MYO16: variants seen among roughly 807,000 people sequenced by gnomAD.
MYO16 encodes the protein unconventional myosin-XVI.
MYO16 carries 94 observed loss-of-function variants against 205.3 expected under a neutral mutation model. The observed-to-expected ratio is 0.46, with a 90% confidence interval of 0.39 to 0.54. MYO16 has a LOEUF of 0.54. Ranked by LOEUF, MYO16 falls within the 20% of genes least tolerant of loss-of-function variation. MYO16 has a pLI of 0.00. For synonymous variants in MYO16, 988 were observed against 954.0 expected, an observed-to-expected ratio of 1.04 and a Z score of -0.66; for missense variants, 2,315 against 2,387.5, an observed-to-expected ratio of 0.97 and a Z score of 0.63.
intron 4 of MYO16, among the ~76,000 whole-genome samples, chr13:108,778,900 G>C (rs1193903997): frequency 6.6e-6 from 1 of 151,966 alleles, no homozygotes; most frequent in Non-Finnish European, 1.5e-5. Flanking sequence ...TAAAGGACTT[G>C]GCCTTGGCTT....
chr13:108,643,194 T>C (rs1880588834), intron 1 of MYO16, among the ~76,000 whole-genome samples: 1 of 152,194 alleles, frequency 6.6e-6, no homozygotes, highest in Non-Finnish European at 1.5e-5. Flanking sequence ...CAATCACAGA[T>C]CTGATTTCTG....
At chr13:108,780,209 G>T (rs552259902) in intron 4 of MYO16, among the ~76,000 whole-genome samples, 1 of 152,040 alleles carries the variant, frequency 6.6e-6, no homozygotes, top group East Asian at 1.9e-4. Context: ...AAATTTAGAA[G>T]AAAAATGAAG....
intron 2 of MYO16, among the ~76,000 whole-genome samples, chr13:108,687,632 AG>A (rs1882729353): frequency 6.6e-6 from 1 of 152,260 alleles, no homozygotes. Context: ...GAATCTAAAA[AG>A]AACTTGATGT....
intron 16 of MYO16, among the ~76,000 whole-genome samples, chr13:108,939,585 C>G (rs1317973048): frequency 6.6e-6 from 1 of 152,154 alleles, no homozygotes; most frequent in African/African-American, 2.4e-5. Flanking sequence ...CTGAATGCCT[C>G]TAATGTGTCA....
At chr13:109,184,783 G>T (rs560355267) in intron 34 of MYO16, among the ~76,000 whole-genome samples, 168 of 146,304 alleles carry the variant, frequency 1.1e-3, no homozygotes, top group African/African-American at 3.9e-3. Context: ...TTTTTTTTTT[G>T]AAATGGATGG....
chr13:108,495,726 G>T, the MYO16 span, among the ~76,000 whole-genome samples: 1 of 150,712 alleles, frequency 6.6e-6, no homozygotes, highest in Non-Finnish European at 1.5e-5. Flanking sequence ...GCAGAGGCGG[G>T]CAGAGAGAGC....
intron 28 of MYO16, among the ~76,000 whole-genome samples, chr13:109,102,083 CT>C (rs1888985488): frequency 1.3e-5 from 2 of 151,874 alleles, no homozygotes; most frequent in African/African-American, 4.8e-5. Context: ...TCTTTGTTAT[CT>C]TTTTTCCTTT....
intron 16 of MYO16, among the ~76,000 whole-genome samples, chr13:108,926,816 A>G (rs1347756699): frequency 6.6e-6 from 1 of 152,152 alleles, no homozygotes; most frequent in Non-Finnish European, 1.5e-5. Context: ...AGTTGATCCA[A>G]TTCACAATCA....
Position 109,055,245 on chromosome 13 carries a change from A to C in MYO16, c.3129+119A>C. The C allele has an allele frequency of 1.2e-6, 1 of 864,910 alleles. No homozygotes were observed. The highest frequency in any genetic ancestry group is 1.7e-6 in the Non-Finnish European group (1 of 600,598). 53.6% of individuals were successfully genotyped at this position (864,910 alleles called of 1,614,324 possible). ...AAATATCTTCACAAAAAAAGTAAACATACACACACACACACACACACACAC... is the reference window on the plus strand; with the variant it reads ...AAATATCTTCACAAAAAAAGTAAACCTACACACACACACACACACACACAC... On this transcript the variant is annotated intron_variant, in intron 26 of 34. Coordinates refer to ENST00000457511, the MANE Select transcript of MYO16 (RefSeq NM_001198950.3). The surrounding 1 kb of genome is among the most constrained non-coding windows in gnomAD (Gnocchi z 5.0).
chr13:108,686,148 T>C (rs908658316), intron 2 of MYO16, among the ~76,000 whole-genome samples: 2 of 151,966 alleles, frequency 1.3e-5, no homozygotes, highest in African/African-American at 4.8e-5. Context: ...CCAGGCAGAG[T>C]TGGCTATGGG....
rs1002036748 is a variant in MYO16, at chr13:108,714,393, T to C, written c.363+1662T>C. 1.1e-4 allele frequency among the ~76,000 whole-genome samples: 16 copies of C among 152,246 alleles called. No individual in the cohort carries two copies. The South Asian group carries it at 3.3e-3, about 32-fold the overall frequency. On this transcript the variant is annotated intron_variant, in intron 3 of 34. Coordinates refer to ENST00000457511, the MANE Select transcript of MYO16 (RefSeq NM_001198950.3). Reference sequence around the variant, plus strand: ...TCGGGAGGTCTAGTTATCAGCATGTTTGCACGTCCCAGTAGAAAACAGACC... The same window carrying C: ...TCGGGAGGTCTAGTTATCAGCATGTCTGCACGTCCCAGTAGAAAACAGACC...
chr13:108,957,233 A>G (rs1883389585), intron 16 of MYO16, among the ~76,000 whole-genome samples: 1 of 151,908 alleles, frequency 6.6e-6, no homozygotes, highest in Admixed American at 6.5e-5. Flanking sequence ...AAAATACAAA[A>G]ATTAGCCGGG....
the MYO16 span, among the ~76,000 whole-genome samples, chr13:108,548,697 T>G: frequency 6.6e-6 from 1 of 152,020 alleles, no homozygotes. Flanking sequence ...GTAATGATGA[T>G]GATTATGATG....
chr13:108,969,893 G>A (rs1047745992), intron 20 of MYO16, among the ~76,000 whole-genome samples: 3 of 152,196 alleles, frequency 2.0e-5, no homozygotes, highest in Admixed American at 6.5e-5. Flanking sequence ...AGGATTTGGT[G>A]TAGAATTTTC....
intron 17 of MYO16, among the ~76,000 whole-genome samples, chr13:108,960,776 G>A (rs1883551632): frequency 6.6e-6 from 1 of 152,134 alleles, no homozygotes; most frequent in Non-Finnish European, 1.5e-5. Flanking sequence ...AGTTTAACTT[G>A]CAGCTTTTTC....
At chr13:108,909,003 T>C (rs1473903135) in intron 15 of MYO16, among the ~76,000 whole-genome samples, 2 of 148,834 alleles carry the variant, frequency 1.3e-5, no homozygotes, top group Non-Finnish European at 3.0e-5. Context: ...AATAAATAAA[T>C]AAATAAATAA....
At chr13:108,616,405 T>C (rs1405714234) in intron 1 of MYO16, among the ~76,000 whole-genome samples, 1 of 152,158 alleles carries the variant, frequency 6.6e-6, no homozygotes, top group Non-Finnish European at 1.5e-5. Flanking sequence ...TTCACCATCG[T>C]AGTCTATGCT....
the MYO16 span, among the ~76,000 whole-genome samples, chr13:108,554,632 G>A: frequency 2.6e-5 from 4 of 151,978 alleles, no homozygotes; most frequent in East Asian, 1.9e-4. Flanking sequence ...GGCGGATCAC[G>A]ATGTCAGGAG....
chr13:108,556,355 A>G, the MYO16 span, among the ~76,000 whole-genome samples: 1 of 151,476 alleles, frequency 6.6e-6, no homozygotes, highest in Non-Finnish European at 1.5e-5. Flanking sequence ...ATATCTCATT[A>G]TGGTTTTAAT....
Sources: gnomAD v4.1 joint callset for allele counts (sites outside exome capture counted in the v4.1 genomes callset) on GRCh38, gnomAD v4.1.1 for gene constraint, Gnocchi (gnomAD v3.1) non-coding constraint, MANE v1.5 for transcripts, NCBI Gene and HGNC (gene_info 2026-07-23, HGNC 2026-07-21) for gene names.